PPP2R3B: variants seen among roughly 807,000 people sequenced by gnomAD.
PPP2R3B encodes protein phosphatase 2 regulatory subunit B''beta, also known as serine/threonine-protein phosphatase 2A regulatory subunit B'' subunit beta.
A neutral mutation model predicts 72.9 loss-of-function variants in PPP2R3B; 68 were observed. The ratio of observed to expected loss-of-function variants is 0.93; its 90% CI spans 0.77 to 1.14. The LOEUF (loss-of-function observed/expected upper bound fraction) is 1.14, where lower values mean the gene tolerates loss of function less well. Ranked by LOEUF, PPP2R3B falls within the 50% of genes most tolerant of loss-of-function variation. PPP2R3B has a pLI of 0.00. For synonymous variants in PPP2R3B, 466 were observed against 375.8 expected (o/e 1.24, Z -2.78); for missense variants, 1,018 against 842.0 (o/e 1.21, Z -2.59).
At chrX:358,177 T>C (rs1295011605) in intron 2 of PPP2R3B, among the ~76,000 whole-genome samples, 1 of 151,718 alleles carries the variant, frequency 6.6e-6, no homozygotes, top group Admixed American at 6.6e-5. Flanking sequence ...CAGAAAACCG[T>C]CCCAAAGGCA....
At chrX:363,606 A>G in intron 1 of PPP2R3B, among the ~76,000 whole-genome samples, 3 of 115,594 alleles carry the variant, frequency 2.6e-5, no homozygotes, top group African/African-American at 1.1e-4. Context: ...CGTGCCCGCA[A>G]TCCCACAATG....
rs184768666 is a variant in PPP2R3B at position 352,872 on chromosome X, C to T, written c.511-5179G>A. ...TGAAAACGCTGCCAAGCTATGTGAG[C>T]GAGTGACATCGCGGAGCCGGAGGAG... On this transcript the variant is annotated intron_variant, in intron 2 of 12. Coordinates refer to ENST00000390665, the MANE Select transcript of PPP2R3B (RefSeq NM_013239.5). Among the ~76,000 whole-genome samples, 491 of 150,670 alleles carry T rather than the reference C, an allele frequency of 3.3e-3. 6 individuals are homozygous for T. Among genetic ancestry groups the T allele is most frequent in the Non-Finnish European group, 3.0e-3 (204 of 67,784 alleles).
At chrX:338,102 C>A (rs1294470734) in intron 12 of PPP2R3B, 1 of 179,616 alleles carries the variant, frequency 5.6e-6, no homozygotes, top group African/African-American at 2.4e-5. Flanking sequence ...ACGTCACAAA[C>A]TGGGAAAAAG....
intron 1 of PPP2R3B, among the ~76,000 whole-genome samples, chrX:368,188 CG>C (rs1408555932): frequency 6.9e-6 from 1 of 145,144 alleles, no homozygotes; most frequent in Non-Finnish European, 1.5e-5. Flanking sequence ...TGGGCACTGA[CG>C]GGGGGAAGGC....
intron 1 of PPP2R3B, among the ~76,000 whole-genome samples, chrX:384,962 G>T (rs1270978666): frequency 1.5e-5 from 2 of 137,628 alleles, no homozygotes; most frequent in Non-Finnish European, 3.1e-5. Context: ...CTCAGCCTGG[G>T]TGAGAGTGAG....
intron 1 of PPP2R3B, among the ~76,000 whole-genome samples, chrX:382,397 C>G (rs1003585916): frequency 1.8e-4 from 27 of 152,052 alleles, no homozygotes; most frequent in African/African-American, 6.3e-4. Flanking sequence ...AGGGTTTCAC[C>G]ATGTTGGCCA....
At chrX:334,624 TCCCCTGAGCCGACCTTGAGCTCCAG>T in intron 12 of PPP2R3B, 107 bp from the exon 13 acceptor site, 6 of 1,250,728 alleles carry the variant, frequency 4.8e-6, no homozygotes, top group Non-Finnish European at 6.2e-6. Context: ...CACGAGACAG[TCCCCTGAGCCGACCTTGAGCTCCAG>T]CCGCTGAGCC....
intron 2 of PPP2R3B, among the ~76,000 whole-genome samples, chrX:356,707 A>T: frequency 6.6e-6 from 1 of 152,338 alleles, no homozygotes; most frequent in Admixed American, 6.5e-5. Flanking sequence ...ACCCTGGAAC[A>T]GGGGAGAGAT....
At chrX:369,136 G>A (rs1231024410) in intron 1 of PPP2R3B, among the ~76,000 whole-genome samples, 1 of 152,186 alleles carries the variant, frequency 6.6e-6, no homozygotes, top group African/African-American at 2.4e-5. Flanking sequence ...AGGGACTGCT[G>A]CCCTGCCCCA....
At position 361,880 on chromosome X, in the gene PPP2R3B, G is replaced by A. The variant is rs190586626; in HGVS notation, c.325-290C>T. ...GGGCCCTGGGGACAAGGGCAGCTAC[G>A]TGCCCCAGGCACCTGAGAGCCCAGC... On this transcript the variant is annotated intron_variant, in intron 1 of 12. Transcript: ENST00000390665. 3.3e-3 allele frequency among the ~76,000 whole-genome samples: 502 copies of A among 152,240 alleles called. 3 individuals are homozygous for A. The highest frequency in any genetic ancestry group is 0.01 in the Middle Eastern group (3 of 294).
chrX:340,888 T>C lies in PPP2R3B; in HGVS notation c.1228A>G (p.Met410Val), dbSNP rs779981291. 5 of 1,611,940 alleles carry C rather than the reference T, an allele frequency of 3.1e-6. No homozygotes were observed. The highest frequency in any genetic ancestry group is 4.2e-6 in the Non-Finnish European group (5 of 1,179,636). Residue 410 changes from methionine to valine, a missense_variant, in exon 10 of 13, where the codon ATG becomes GTG. By Grantham distance (21) the Met-to-Val change is conservative (BLOSUM62 1). Transcript: ENST00000390665. ...MDLDGDGALS[M>V]FELEYFYEEQ... ...TCGTAGAAGTACTCGAGCTCGAACA[T>C]GGACAGGGCGCCGTCCCCGTCCAGG...
intron 12 of PPP2R3B, 127 bp from the exon 13 acceptor site, chrX:334,644 C>T (rs1305426137): frequency 4.5e-6 from 5 of 1,113,314 alleles, no homozygotes; most frequent in Non-Finnish European, 5.9e-6. Context: ...CGACCTTGAG[C>T]TCCAGCCGCT....
At chrX:342,167 C>G (rs1332030366) in intron 7 of PPP2R3B, 1 of 610,884 alleles carries the variant, frequency 1.6e-6, no homozygotes, top group Non-Finnish European at 2.9e-6. Flanking sequence ...CTGACCGCGG[C>G]TCCAAGACCG....
intron 10 of PPP2R3B, among the ~76,000 whole-genome samples, chrX:340,528 G>A (rs1189622460): frequency 5.4e-5 from 4 of 73,460 alleles, no homozygotes; most frequent in African/African-American, 2.4e-4. Flanking sequence ...CCCCCCTCCC[G>A]TCCGTCCCCT....
intron 2 of PPP2R3B, 31 bp downstream of exon 2, chrX:361,374 G>A (rs372843624): frequency 1.7e-5 from 27 of 1,611,804 alleles, no homozygotes; most frequent in African/African-American, 9.3e-5. Context: ...GTACCACCTC[G>A]GCTGCTCCAC....
Position 347,343 on chromosome X carries a change from G to T in PPP2R3B, c.615-7C>A. On this transcript the variant is annotated splice_region_variant and splice_polypyrimidine_tract_variant and intron_variant, in intron 3 of 12. Coordinates refer to ENST00000390665, the MANE Select transcript of PPP2R3B (RefSeq NM_013239.5). ...GTGGCAGTTCTGGAGGATTCTGGAA[G>T]GACAGGATGACTGGGCACCACCCTC... 1 of 1,613,416 alleles carries T rather than the reference G, an allele frequency of 6.2e-7. No homozygotes were observed. Among genetic ancestry groups the T allele is most frequent in the Non-Finnish European group, 8.5e-7 (1 of 1,179,492 alleles).
At chrX:358,808 G>T (rs1472647016) in intron 2 of PPP2R3B, among the ~76,000 whole-genome samples, 7 of 151,840 alleles carry the variant, frequency 4.6e-5, no homozygotes, top group Admixed American at 2.6e-4. Context: ...TGGCCGCTGT[G>T]GGGGGCGGCA....
chrX:360,914 C>T lies in PPP2R3B; in HGVS notation c.510+491G>A, dbSNP rs182511716. Among the ~76,000 whole-genome samples, 576 of 152,318 alleles carry T rather than the reference C, an allele frequency of 3.8e-3. 4 individuals carry two copies. Among genetic ancestry groups the T allele is most frequent in the Non-Finnish European group, 5.6e-3 (378 of 68,026 alleles). ...AGGAAAGCAGGCGGCGAATGATGCA[C>T]GCCGCGCCGCAGCACTCAGGGTGAG... On this transcript the variant is annotated intron_variant, in intron 2 of 12. Coordinates refer to ENST00000390665, the MANE Select transcript of PPP2R3B (RefSeq NM_013239.5).
Position 346,274 on chromosome X carries a change from G to A in PPP2R3B, c.793-14C>T. 4.5e-6 allele frequency: 7 copies of A among 1,557,428 alleles called. No individual in the cohort carries two copies. Among genetic ancestry groups the A allele is most frequent in the Non-Finnish European group, 5.2e-6 (6 of 1,152,434 alleles). On this transcript the variant is annotated splice_polypyrimidine_tract_variant and intron_variant, in intron 5 of 12. Transcript: ENST00000390665. ...CCGCTGGATGACCTGCGGGGGCGCT[G>A]TCAGTGCGGTGGGTGCGCAGAGACC...
Sources: gnomAD v4.1 joint callset for allele counts (sites outside exome capture counted in the v4.1 genomes callset) on GRCh38, gnomAD v4.1.1 for gene constraint, MANE v1.5 for transcripts, NCBI Gene and HGNC (gene_info 2026-07-23, HGNC 2026-07-21) for gene names.